Variants in ITPRIPL1 observed in about 807,000 individuals in gnomAD.
The protein encoded by ITPRIPL1 is inositol 1,4,5-trisphosphate receptor-interacting protein-like 1.
In ITPRIPL1, 28 loss-of-function variants were observed where a neutral mutation model predicts 40.0. That is an observed-to-expected ratio of 0.70 (90% CI 0.52 to 0.96). The LOEUF is 0.96. ITPRIPL1 is among the 40% of genes least tolerant of loss of function. ITPRIPL1 has a pLI of 0.00. For synonymous variants in ITPRIPL1, 251 were observed against 275.7 expected (o/e 0.91, Z 0.89); for missense variants, 638 against 698.0 (o/e 0.91, Z 0.97).
At position 96,328,105 on chromosome 2, in the gene ITPRIPL1, C is replaced by T. The variant is rs1175151835; in HGVS notation, c.1474C>T (p.His492Tyr). 6.2e-7 allele frequency: 1 copy of T among 1,614,134 alleles called. No homozygotes were observed. The highest frequency in any genetic ancestry group is 2.2e-5 in the East Asian group (1 of 44,880). Residue 492 changes from histidine (H) to tyrosine (Y), a missense_variant, in exon 3 of 3, where the codon CAT becomes TAT. Transcript: ENST00000439118. ...TGGCCTCCAGCAAAGGTCCCTCCATCATTTCCTCATTGGTAACAATTTTCT... is the reference window on the plus strand; with the variant it reads ...TGGCCTCCAGCAAAGGTCCCTCCATTATTTCCTCATTGGTAACAATTTTCT... ...GRGLQQRSLH[H>Y]FLIGNNFLPL...
chr2:96,326,199 G>A (rs1159154975), intron 2 of ITPRIPL1: 3 of 1,450,750 alleles, frequency 2.1e-6, no homozygotes, highest in Non-Finnish European at 2.7e-6. Context: ...ACTGGCTGCC[G>A]GGGCAGAGGA....
Position 96,326,192 on chromosome 2 carries a change from G to C in ITPRIPL1, c.10+343G>C, listed in dbSNP as rs572776211. On this transcript the variant is annotated intron_variant, in intron 2 of 2. Coordinates refer to ENST00000439118, the MANE Select transcript of ITPRIPL1 (RefSeq NM_001008949.3). ...ACAGAGGAAGTGGAATGCTACAACT[G>C]GCTGCCGGGGCAGAGGAAAGGTGTC... 471 of 1,454,640 alleles carry C rather than the reference G, an allele frequency of 3.2e-4. 4 individuals are homozygous for C. The Middle Eastern group carries it at 4.5e-3, about 14-fold the overall frequency. 90.1% of individuals were successfully genotyped at this position (1,454,640 alleles called of 1,614,324 possible).
chr2:96,326,868 C>T lies in ITPRIPL1; in HGVS notation c.237C>T (p.Asp79=), dbSNP rs1350234921. 4.3e-6 allele frequency: 7 copies of T among 1,614,096 alleles called. No homozygotes were observed. In the African/African-American group the frequency reaches 6.7e-5, roughly 15 times the overall value. Residue 79 remains aspartate, a synonymous_variant, in exon 3 of 3, where the codon GAC becomes GAT. Coordinates refer to ENST00000439118, the MANE Select transcript of ITPRIPL1 (RefSeq NM_001008949.3). ...RQKAENFWTG[D]TSSDQLVLGK... ...AGGCAGAGAACTTCTGGACAGGAGA[C>T]ACATCCAGTGACCAGTTAGTGCTGG... is the stretch of plus-strand genomic sequence containing the variant.
downstream of ITPRIPL1, chr2:96,330,226 C>CA (rs1484137143): frequency 2.5e-5 from 2 of 79,694 alleles, no homozygotes; most frequent in Non-Finnish European, 4.5e-5. Context: ...CGACCCTGGG[C>CA]AAAAAAGTGA....
downstream of ITPRIPL1, chr2:96,329,154 TA>T (rs1302893206): frequency 5.8e-5 from 1 of 17,384 alleles, no homozygotes; most frequent in Non-Finnish European, 1.0e-4. Context: ...AAAAATTATA[TA>T]TATATATATA....
In ITPRIPL1 at chr2:96,327,200, T is replaced by A. The variant is rs1371271701; in HGVS notation, c.569T>A (p.Val190Glu). ...IRDLPCTCEF[V>E]ESFVDDLIEA... Reference sequence around the variant, plus strand: ...GACCTGCCCTGCACCTGTGAGTTTGTGGAGAGTTTTGTGGATGATCTCATT... The same window carrying A: ...GACCTGCCCTGCACCTGTGAGTTTGAGGAGAGTTTTGTGGATGATCTCATT... The change falls in exon 3 of 3, where the codon GTG becomes GAG. Residue 190 changes from valine (V) to glutamate (E), a missense_variant. Coordinates refer to ENST00000439118, the MANE Select transcript of ITPRIPL1 (RefSeq NM_001008949.3). The A allele has an allele frequency of 6.2e-7, 1 of 1,613,980 alleles. No homozygotes were observed. Among genetic ancestry groups the A allele is most frequent in the African/African-American group, 1.3e-5 (1 of 74,918 alleles).
chr2:96,328,223 A>G lies in ITPRIPL1; in HGVS notation c.1592A>G (p.Gln531Arg). 6.2e-7 allele frequency: 1 copy of G among 1,614,174 alleles called. No individual in the cohort carries two copies. The highest frequency in any genetic ancestry group is 2.2e-5 in the East Asian group (1 of 44,880). The change falls in exon 3 of 3, where the codon CAG becomes CGG. Residue 531 changes from glutamine to arginine, a missense_variant. Transcript: ENST00000439118. ...HLVLNPKAHS[Q>R]AVEEFQNLLT... is the part of the protein sequence containing the mutation. Reference sequence around the variant, plus strand: ...GTGCTCAACCCCAAGGCACATTCACAGGCAGTGGAAGAGTTCCAAAACCTT... The same window carrying G: ...GTGCTCAACCCCAAGGCACATTCACGGGCAGTGGAAGAGTTCCAAAACCTT...
At chr2:96,328,427 C>T, downstream of ITPRIPL1, 2 of 912,280 alleles carry the variant, frequency 2.2e-6, no homozygotes, top group Non-Finnish European at 3.3e-6. Context: ...TATGATGAGA[C>T]ACCTTAAGGA....
At chr2:96,329,765 T>C (rs140808554), downstream of ITPRIPL1, 1 of 152,092 alleles carries the variant, frequency 6.6e-6, no homozygotes, top group African/African-American at 2.4e-5. Context: ...AGGAGGAGTG[T>C]TAAGAAATGC....
At position 96,327,898 on chromosome 2, in the gene ITPRIPL1, C is replaced by G; in HGVS notation, c.1267C>G (p.Leu423Val). Residue 423 changes from leucine (L) to valine (V), a missense_variant, in exon 3 of 3, where the codon CTC becomes GTC. Leu to Val is a conservative substitution (Grantham distance 32). Coordinates refer to ENST00000439118, the MANE Select transcript of ITPRIPL1 (RefSeq NM_001008949.3). ...CGAGAACACCTGTCACCTCAAGTGC[C>G]TCCAGATCATTTTAAGTCTCCGGCA... ...APENTCHLKCLQIILSLRQHQ... is the reference protein window; with the variant it reads ...APENTCHLKCVQIILSLRQHQ... 6.2e-7 allele frequency: 1 copy of G among 1,614,020 alleles called. No homozygotes were observed. The highest frequency in any genetic ancestry group is 8.5e-7 in the Non-Finnish European group (1 of 1,180,016).
rs2104391713 is a variant in ITPRIPL1, at chr2:96,328,347, T to G, written c.*48T>G. The G allele has an allele frequency of 6.5e-7, 1 of 1,545,384 alleles. No homozygotes were observed. Among genetic ancestry groups the G allele is most frequent in the Admixed American group, 2.0e-5 (1 of 49,450 alleles). On this transcript the variant is annotated 3_prime_UTR_variant, in exon 3 of 3. Coordinates refer to ENST00000439118, the MANE Select transcript of ITPRIPL1 (RefSeq NM_001008949.3). ...ACAGAGGAAGGTATTTCTAATTCCT[T>G]GGGCTACAAAAGTGTTTACTTTTCA...
Position 96,327,894 on chromosome 2 carries a change from G to A in ITPRIPL1, c.1263G>A (p.Lys421=). The change falls in exon 3 of 3, where the codon AAG becomes AAA. Residue 421 remains lysine, a synonymous_variant. Coordinates refer to ENST00000439118, the MANE Select transcript of ITPRIPL1 (RefSeq NM_001008949.3). ...RFAPENTCHL[K]CLQIILSLRQ... ...CCCCCGAGAACACCTGTCACCTCAA[G>A]TGCCTCCAGATCATTTTAAGTCTCC... is the stretch of plus-strand genomic sequence containing the variant. The A allele has an allele frequency of 6.2e-7, 1 of 1,613,954 alleles. No homozygotes were observed. The highest frequency in any genetic ancestry group is 8.5e-7 in the Non-Finnish European group (1 of 1,179,988).
In ITPRIPL1 at chr2:96,327,247, C is replaced by T. The variant is rs372566280; in HGVS notation, c.616C>T (p.Arg206Cys). ...CATTGAGGCCTGTCGGGTGCTCAGCCGCCAAGAGGCTCACCCACAATTGGA... is the reference window on the plus strand; with the variant it reads ...CATTGAGGCCTGTCGGGTGCTCAGCTGCCAAGAGGCTCACCCACAATTGGA... Reference protein sequence around the residue: ...DLIEACRVLSRQEAHPQLEDC... With the variant: ...DLIEACRVLSCQEAHPQLEDC... The change falls in exon 3 of 3, where the codon CGC becomes TGC. Residue 206 changes from arginine (R) to cysteine (C), a missense_variant. Transcript: ENST00000439118. 20 of 1,614,136 alleles carry T rather than the reference C, an allele frequency of 1.2e-5. No individual in the cohort carries two copies. Among genetic ancestry groups the T allele is most frequent in the South Asian group, 4.4e-5 (4 of 91,072 alleles).
downstream of ITPRIPL1, chr2:96,329,147 AATTATATATAT>A (rs1174559642): frequency 2.8e-5 from 3 of 108,274 alleles, no homozygotes; most frequent in South Asian, 8.2e-4. Flanking sequence ...AAAAAAAAAA[AATTATATATAT>A]ATATATATAT....
intron 2 of ITPRIPL1, chr2:96,326,434 G>A (rs2064107526): frequency 6.4e-7 from 1 of 1,551,336 alleles, no homozygotes; most frequent in Non-Finnish European, 8.6e-7. Context: ...GAGAGAGACT[G>A]AGTGGCACAT....
intron 1 of ITPRIPL1, 55 bp from the exon 2 acceptor site, chr2:96,325,692 A>G: frequency 2.7e-6 from 2 of 729,338 alleles, no homozygotes; most frequent in Non-Finnish European, 4.9e-6. Context: ...GAATGGGGGG[A>G]GGGTCGGGTT....
Position 96,327,579 on chromosome 2 carries a change from C to G in ITPRIPL1, c.948C>G (p.Cys316Trp). The change falls in exon 3 of 3, where the codon TGC (cysteine) becomes TGG (tryptophan). Residue 316 changes from cysteine (C) to tryptophan (W), a missense_variant. Cys to Trp is a radical substitution (Grantham distance 215). Transcript: ENST00000439118. ...ALCTGFHLDV[C>W]KTVQWFRNMM... is the part of the protein sequence containing the mutation. ...GCACCGGCTTCCACCTAGACGTGTGCAAGACTGTGCAGTGGTTCCGGAACA... is the reference window on the plus strand; with the variant it reads ...GCACCGGCTTCCACCTAGACGTGTGGAAGACTGTGCAGTGGTTCCGGAACA... 1 of 1,610,448 alleles carries G rather than the reference C, an allele frequency of 6.2e-7. No individual in the cohort carries two copies. Among genetic ancestry groups the G allele is most frequent in the Non-Finnish European group, 8.5e-7 (1 of 1,178,488 alleles).
rs369211145 is a variant in ITPRIPL1, at chr2:96,326,926, G to A, written c.295G>A (p.Asp99Asn). ...AGACATGGGGTGGCCGTTCCAGGCCGATGGCCAGGAAGGGCCTCTGGGCTG... is the reference window on the plus strand; with the variant it reads ...AGACATGGGGTGGCCGTTCCAGGCCAATGGCCAGGAAGGGCCTCTGGGCTG... ...KKDMGWPFQA[D>N]GQEGPLGWML... The change falls in exon 3 of 3, where the codon GAT becomes AAT. Residue 99 changes from aspartate (D) to asparagine (N), a missense_variant. Transcript: ENST00000439118. 33 of 1,614,066 alleles carry A rather than the reference G, an allele frequency of 2.0e-5. No individual in the cohort carries two copies. Among genetic ancestry groups the A allele is most frequent in the South Asian group, 3.3e-5 (3 of 91,084 alleles).
At chr2:96,326,571 T>A in intron 2 of ITPRIPL1, 71 bp from the exon 3 acceptor site, 1 of 1,601,284 alleles carries the variant, frequency 6.2e-7, no homozygotes, top group South Asian at 1.1e-5. Flanking sequence ...ACCAGGGCTC[T>A]GGGGAATGTG....
Sources: gnomAD v4.1 joint callset for allele counts on GRCh38, gnomAD v4.1.1 for gene constraint, MANE v1.5 for transcripts, NCBI Gene and HGNC (gene_info 2026-07-23, HGNC 2026-07-21) for gene names.